ANOS1: variants seen among roughly 807,000 people sequenced by gnomAD.
ANOS1 encodes the protein anosmin 1.
Under a neutral mutation model 59.0 loss-of-function variants are expected in ANOS1, and 6 were observed. The observed-to-expected ratio is 0.10, with a 90% confidence interval of 0.06 to 0.20. The LOEUF is 0.20. Ranked by LOEUF, ANOS1 falls within the 10% of genes least tolerant of loss-of-function variation. ANOS1 has a pLI of 1.00. For synonymous variants in ANOS1, 217 were observed against 223.4 expected, an observed-to-expected ratio of 0.97 and a Z score of 0.25; for missense variants, 433 against 542.3, an observed-to-expected ratio of 0.80 and a Z score of 2.00.
At chrX:8,615,542 C>CAAAAAA (rs34060774) in intron 3 of ANOS1, among the ~76,000 whole-genome samples, 1 of 58,065 alleles carries the variant, frequency 1.7e-5, no homozygotes, top group African/African-American at 6.4e-5. Context: ...GACCCTGTCT[C>CAAAAAA]AAAAAAAAAA....
At chrX:8,555,259 T>G (rs758447252) in intron 8 of ANOS1, among the ~76,000 whole-genome samples, 1 of 111,434 alleles carries the variant, frequency 9.0e-6, no homozygotes, top group South Asian at 3.8e-4. Flanking sequence ...TAGCACGAAA[T>G]GCCCACAGGA....
chrX:8,563,890 C>T (rs1034056063), intron 8 of ANOS1, among the ~76,000 whole-genome samples: 1 of 111,899 alleles, frequency 8.9e-6, no homozygotes, highest in East Asian at 2.8e-4. Context: ...ATGAGAACAT[C>T]GAGCTTTGTA....
At chrX:8,592,184 T>C (rs1210435945) in intron 4 of ANOS1, among the ~76,000 whole-genome samples, 1 of 112,058 alleles carries the variant, frequency 8.9e-6, no homozygotes, top group Non-Finnish European at 1.9e-5. Context: ...GCAAGATGTA[T>C]TGTTCTAGTG....
At chrX:8,593,990 C>T (rs1454764824) in intron 4 of ANOS1, among the ~76,000 whole-genome samples, 1 of 111,512 alleles carries the variant, frequency 9.0e-6, no homozygotes, top group African/African-American at 3.3e-5. Flanking sequence ...CACAACCATG[C>T]CCAGTGAGTG....
At chrX:8,674,903 G>A (rs766451028) in intron 2 of ANOS1, among the ~76,000 whole-genome samples, 4 of 111,304 alleles carry the variant, frequency 3.6e-5, no homozygotes, top group African/African-American at 1.3e-4. Flanking sequence ...CAAGCAAACT[G>A]TAATATATAA....
Position 8,534,538 on chromosome X carries a change from A to C in ANOS1, c.1843-78T>G, listed in dbSNP as rs763023865. 37 of 1,043,798 alleles carry C rather than the reference A, an allele frequency of 3.5e-5. 1 individual carries two copies. The South Asian group carries it at 6.7e-4, about 19-fold the overall frequency. 86.0% of individuals were successfully genotyped at this position (1,043,798 alleles called of 1,213,427 possible). A position where few individuals can be genotyped will look rare whatever the true frequency, so the allele number is the denominator to read the frequency against. Reference sequence around the variant, plus strand: ...ATGCAATGCACAGAGAGCCTAGAACAGTTTTTCCCCCACTGGAGAATATCA... The same window carrying C: ...ATGCAATGCACAGAGAGCCTAGAACCGTTTTTCCCCCACTGGAGAATATCA... On this transcript the variant is annotated intron_variant, in intron 12 of 13. Transcript: ENST00000262648.
In ANOS1 at chrX:8,626,255, C is replaced by T. The variant is rs186721454; in HGVS notation, c.256-2585G>A. 7.8e-3 allele frequency among the ~76,000 whole-genome samples: 858 copies of T among 110,424 alleles called. 6 individuals are homozygous for T. Among genetic ancestry groups the T allele is most frequent in the South Asian group, 0.038 (99 of 2,599 alleles). On this transcript the variant is annotated intron_variant, in intron 2 of 13. Transcript: ENST00000262648. ...CCTTGCAAGTAGCTGAATCTCTGCC[C>T]GTGAACAATCCCTAGACCATTACTC...
chrX:8,718,976 A>T (rs1355937550), intron 1 of ANOS1, among the ~76,000 whole-genome samples: 2 of 112,052 alleles, frequency 1.8e-5, no homozygotes, highest in Non-Finnish European at 3.8e-5. Flanking sequence ...GGATGATTCT[A>T]TTATCACTAT....
Position 8,530,087 on chromosome X carries a change from G to A in ANOS1, c.*2908C>T, listed in dbSNP as rs1208577687. 2 of 112,352 alleles carry A rather than the reference G, an allele frequency of 1.8e-5. No individual in the cohort carries two copies. The highest frequency in any genetic ancestry group is 3.8e-5 in the Non-Finnish European group (2 of 53,309). 9.3% of individuals were successfully genotyped at this position (112,352 alleles called of 1,213,427 possible). A position where few individuals can be genotyped will look rare whatever the true frequency, so the allele number is the denominator to read the frequency against. Reference sequence around the variant, plus strand: ...TTCTCTACCATGTCATATTAAAACAGTGAATGACTGAAAAGAGCACATGTT... The same window carrying A: ...TTCTCTACCATGTCATATTAAAACAATGAATGACTGAAAAGAGCACATGTT... On this transcript the variant is annotated 3_prime_UTR_variant, in exon 14 of 14. Coordinates refer to ENST00000262648, the MANE Select transcript of ANOS1 (RefSeq NM_000216.4).
chrX:8,544,315 T>C (rs1929732238), intron 9 of ANOS1, among the ~76,000 whole-genome samples: 1 of 88,907 alleles, frequency 1.1e-5, no homozygotes, highest in African/African-American at 4.3e-5. Context: ...TAGAGAGGTG[T>C]CACAGAATGC....
chrX:8,554,003 A>G lies in ANOS1; in HGVS notation c.1303T>C (p.Phe435Leu). The G allele has an allele frequency of 8.3e-7, 1 of 1,209,261 alleles. No homozygotes were observed. Among genetic ancestry groups the G allele is most frequent in the Non-Finnish European group, 1.1e-6 (1 of 892,958 alleles). ...ACTTGCAGTTGGCCATCCTGATAGA[A>G]GGGAGCTCCGACTTCCAGCGGGCGA... Reference protein sequence around the residue: ...PTRPLEVGAPFYQDGQLQVKV... With the variant: ...PTRPLEVGAPLYQDGQLQVKV... The change falls in exon 9 of 14, where the codon TTC (phenylalanine) becomes CTC (leucine). Residue 435 changes from phenylalanine (F) to leucine (L), a missense_variant. Transcript: ENST00000262648.
chrX:8,577,038 T>A (rs1356733429), intron 6 of ANOS1, among the ~76,000 whole-genome samples: 1 of 111,387 alleles, frequency 9.0e-6, no homozygotes, highest in Non-Finnish European at 1.9e-5. Flanking sequence ...TGAGTGTGGC[T>A]ATGTTCCAAT....
chrX:8,702,974 G>A (rs1158333702), intron 1 of ANOS1, among the ~76,000 whole-genome samples: 1 of 112,274 alleles, frequency 8.9e-6, no homozygotes, highest in Admixed American at 9.5e-5. Flanking sequence ...CATGGGCACA[G>A]GTGAGACCTC....
intron 6 of ANOS1, among the ~76,000 whole-genome samples, chrX:8,577,490 T>C (rs1344002622): frequency 8.9e-6 from 1 of 112,322 alleles, no homozygotes; most frequent in Non-Finnish European, 1.9e-5. Context: ...AAGCACATTT[T>C]CAGAGATAAC....
chrX:8,559,274 A>T (rs762989312), intron 8 of ANOS1, among the ~76,000 whole-genome samples: 2 of 111,995 alleles, frequency 1.8e-5, no homozygotes, highest in Non-Finnish European at 3.8e-5. Context: ...TTGTGAAGAA[A>T]CCAGGACACT....
At chrX:8,608,626 A>T (rs1930985181) in intron 3 of ANOS1, among the ~76,000 whole-genome samples, 1 of 112,194 alleles carries the variant, frequency 8.9e-6, no homozygotes, top group African/African-American at 3.2e-5. Flanking sequence ...AAACTAACTG[A>T]TATGATTAGG....
intron 3 of ANOS1, among the ~76,000 whole-genome samples, chrX:8,616,846 A>G (rs1931186249): frequency 8.9e-6 from 1 of 111,796 alleles, no homozygotes; most frequent in African/African-American, 3.3e-5. Flanking sequence ...CTCACCCACT[A>G]GACACACTAC....
At chrX:8,682,934 A>T in intron 2 of ANOS1, among the ~76,000 whole-genome samples, 1 of 111,707 alleles carries the variant, frequency 9.0e-6, no homozygotes, top group East Asian at 2.8e-4. Context: ...ACCATCATCT[A>T]CTGGAATCCT....
chrX:8,643,882 A>G (rs1931705695), intron 2 of ANOS1, among the ~76,000 whole-genome samples: 1 of 111,595 alleles, frequency 9.0e-6, no homozygotes, highest in Non-Finnish European at 1.9e-5. Context: ...GTTTAAATTT[A>G]CCTATAACCT....
Sources: allele counts gnomAD v4.1 joint callset (sites outside exome capture counted in the v4.1 genomes callset), GRCh38; gene constraint gnomAD v4.1.1; transcripts MANE v1.5; gene names NCBI Gene and HGNC (gene_info 2026-07-23, HGNC 2026-07-21).